DYNC2LI1: variants seen among roughly 807,000 people sequenced by gnomAD.
DYNC2LI1 encodes dynein cytoplasmic 2 light intermediate chain 1.
DYNC2LI1 carries 45 observed loss-of-function variants against 51.9 expected under a neutral mutation model. The ratio of observed to expected loss-of-function variants is 0.87; its 90% CI spans 0.68 to 1.11. The LOEUF is 1.11. Among genes scored for constraint, DYNC2LI1 ranks in the 50% most tolerant of loss-of-function variants. The pLI is 0.00. For synonymous variants in DYNC2LI1, 130 were observed against 137.8 expected (o/e 0.94, Z 0.40); for missense variants, 490 against 417.4 (o/e 1.17, Z -1.51).
chr2:43,774,261 A>T (rs2104649105), intron 1 of DYNC2LI1, 115 bp downstream of exon 1: 2 of 1,396,616 alleles, frequency 1.4e-6, no homozygotes, highest in Admixed American at 1.9e-5. Context: ...TGCCACCAGG[A>T]TATGCAGGGT....
At chr2:43,775,034 C>G (rs745529095) in intron 1 of DYNC2LI1, among the ~76,000 whole-genome samples, 10 of 119,140 alleles carry the variant, frequency 8.4e-5, no homozygotes, top group Admixed American at 2.5e-4. Context: ...ATTCCTGGTT[C>G]TTGAATAGTA....
chr2:43,810,474 A>G (rs116774215), downstream of DYNC2LI1: 1,487 of 985,418 alleles, frequency 1.5e-3, 25 homozygotes, highest in African/African-American at 0.023. Flanking sequence ...AGCCTTTAAG[A>G]AGCCATTCCA....
chr2:43,827,703 G>C, the DYNC2LI1 span, among the ~76,000 whole-genome samples: 1 of 152,146 alleles, frequency 6.6e-6, no homozygotes, highest in Non-Finnish European at 1.5e-5. Flanking sequence ...TGATTGGCAG[G>C]GCAAGGCTCC....
chr2:43,801,512 C>T lies in DYNC2LI1; in HGVS notation c.732-127C>T, dbSNP rs566230860. The T allele has an allele frequency of 3.6e-3, 2,003 of 562,902 alleles. 7 individuals carry two copies. The highest frequency in any genetic ancestry group is 5.0e-3 in the Non-Finnish European group (1,611 of 321,788). The allele number at this position is 562,902 out of a possible 1,614,324, so 34.9% of individuals were successfully genotyped here. ...TTAAATTGATAGTCACTCATTCATT[C>T]GGGGCAATGCTCTCATTAGTGGCTA... On this transcript the variant is annotated intron_variant, in intron 9 of 12. Coordinates refer to ENST00000260605, the MANE Select transcript of DYNC2LI1 (RefSeq NM_016008.4).
At chr2:43,796,059 G>A in intron 7 of DYNC2LI1, 101 bp downstream of exon 7, 2 of 856,782 alleles carry the variant, frequency 2.3e-6, no homozygotes, top group Non-Finnish European at 1.8e-6. Flanking sequence ...AATAATTATT[G>A]AAGGAATCGG....
intron 8 of DYNC2LI1, among the ~76,000 whole-genome samples, chr2:43,799,010 A>C (rs1330666724): frequency 6.6e-6 from 1 of 152,170 alleles, no homozygotes; most frequent in Non-Finnish European, 1.5e-5. Flanking sequence ...GTTAATAAAA[A>C]CAAAACACAG....
the DYNC2LI1 span, chr2:43,826,376 T>C: frequency 6.2e-7 from 1 of 1,613,918 alleles, no homozygotes; most frequent in Non-Finnish European, 8.5e-7. Flanking sequence ...GAGTTGAACC[T>C]CTTACCTGAA....
At chr2:43,826,289 T>C in the DYNC2LI1 span, 1 of 1,585,708 alleles carries the variant, frequency 6.3e-7, no homozygotes, top group Non-Finnish European at 8.6e-7. Context: ...TGTGAGCCAC[T>C]GTGCCTGGCC....
At chr2:43,827,102 A>T in the DYNC2LI1 span, among the ~76,000 whole-genome samples, 1 of 152,188 alleles carries the variant, frequency 6.6e-6, no homozygotes, top group South Asian at 2.1e-4. Flanking sequence ...AGGCAGGCAG[A>T]TCACCTGAGG....
chr2:43,804,582 TG>T, intron 10 of DYNC2LI1, 59 bp from the exon 11 acceptor site: 1 of 1,059,140 alleles, frequency 9.4e-7, no homozygotes, highest in Non-Finnish European at 1.4e-6. Context: ...TTTCTTTTAT[TG>T]GTGGAGTTTG....
chr2:43,820,109 G>A, the DYNC2LI1 span: 1 of 1,612,508 alleles, frequency 6.2e-7, no homozygotes, highest in Non-Finnish European at 8.5e-7. Context: ...TCCTAGAAAA[G>A]CATAAGCTCT....
chr2:43,789,701 C>A lies in DYNC2LI1; in HGVS notation c.300C>A (p.Pro100=). 1 of 1,613,836 alleles carries A rather than the reference C, an allele frequency of 6.2e-7. No individual in the cohort carries two copies. The highest frequency in any genetic ancestry group is 1.1e-5 in the South Asian group (1 of 91,044). Residue 100 remains proline, a synonymous_variant, in exon 5 of 13, where the codon CCC becomes CCA. Coordinates refer to ENST00000260605, the MANE Select transcript of DYNC2LI1 (RefSeq NM_016008.4). ...CTTTATTGGACTTAATCAGCATACCCATCACAGGTGACACCTTACGGTAAG... is the reference window on the plus strand; with the variant it reads ...CTTTATTGGACTTAATCAGCATACCAATCACAGGTGACACCTTACGGTAAG... The part of the protein sequence containing the change: ...GTSLLDLISI[P]ITGDTLRTFS...
At chr2:43,826,664 T>C in the DYNC2LI1 span, 2 of 1,321,278 alleles carry the variant, frequency 1.5e-6, no homozygotes, top group Non-Finnish European at 2.1e-6. Flanking sequence ...TAAACTGGCT[T>C]TCAGCCTGAG....
intron 8 of DYNC2LI1, among the ~76,000 whole-genome samples, chr2:43,797,432 G>A (rs1428548790): frequency 6.6e-6 from 1 of 151,110 alleles, no homozygotes; most frequent in East Asian, 1.9e-4. Flanking sequence ...AATAAATGTT[G>A]GTTATTATAT....
chr2:43,825,698 C>T, the DYNC2LI1 span, among the ~76,000 whole-genome samples: 1 of 151,242 alleles, frequency 6.6e-6, no homozygotes, highest in African/African-American at 2.4e-5. Context: ...CTGCAACCTC[C>T]TGGGTTCAAG....
At chr2:43,774,212 G>T in intron 1 of DYNC2LI1, 66 bp downstream of exon 1, 2 of 1,600,922 alleles carry the variant, frequency 1.2e-6, no homozygotes, top group Non-Finnish European at 1.7e-6. Flanking sequence ...AGGAAGCCCA[G>T]GCGGGACCAG....
chr2:43,828,297 C>A, the DYNC2LI1 span: 1 of 811,492 alleles, frequency 1.2e-6, no homozygotes, highest in Non-Finnish European at 2.0e-6. Context: ...CGGCTTAAAT[C>A]GTAATACATG....
At chr2:43,815,490 A>G in the DYNC2LI1 span, among the ~76,000 whole-genome samples, 1 of 152,228 alleles carries the variant, frequency 6.6e-6, no homozygotes, top group South Asian at 2.1e-4. Flanking sequence ...ATGTTCTTGT[A>G]TTTAGTATTT....
chr2:43,814,639 C>T (rs751676334), downstream of DYNC2LI1: 11 of 1,074,510 alleles, frequency 1.0e-5, no homozygotes, highest in African/African-American at 3.1e-5. Context: ...TGGCAATAGT[C>T]CTACCAAATG....
Sources: gnomAD v4.1 joint callset for allele counts (sites outside exome capture counted in the v4.1 genomes callset) on GRCh38, gnomAD v4.1.1 for gene constraint, MANE v1.5 for transcripts, NCBI Gene and HGNC (gene_info 2026-07-23, HGNC 2026-07-21) for gene names.